Variants in RHBDF2 observed in about 807,000 individuals in gnomAD.
The protein encoded by RHBDF2 is rhomboid 5 homolog 2.
A neutral mutation model predicts 95.2 loss-of-function variants in RHBDF2; 38 were observed. The ratio of observed to expected loss-of-function variants is 0.40; its 90% CI spans 0.31 to 0.52. The LOEUF (loss-of-function observed/expected upper bound fraction) is 0.52, where lower values mean the gene tolerates loss of function less well. RHBDF2 is among the 20% of genes least tolerant of loss of function. The pLI, the probability that RHBDF2 is intolerant of heterozygous loss-of-function variation, is 0.56. For synonymous variants in RHBDF2, 442 were observed against 462.0 expected, an observed-to-expected ratio of 0.96 and a Z score of 0.55; for missense variants, 863 against 1,137.7, an observed-to-expected ratio of 0.76 and a Z score of 3.47.
At chr17:76,474,346 G>T in intron 12 of RHBDF2, 27 bp downstream of exon 12, 2 of 1,602,716 alleles carry the variant, frequency 1.2e-6, no homozygotes, top group Non-Finnish European at 1.7e-6. Flanking sequence ...GGGTCTGGCA[G>T]GGGTAGGAGG....
In RHBDF2 at chr17:76,474,817, T is replaced by C. The variant is rs1401599528; in HGVS notation, c.1228-13A>G. The C allele has an allele frequency of 6.2e-6, 10 of 1,611,644 alleles. No homozygotes were observed. Among genetic ancestry groups the C allele is most frequent in the Non-Finnish European group, 8.5e-6 (10 of 1,178,276 alleles). Reference sequence around the variant, plus strand: ...TGTTCCGCAGCACCTATCGTGGAGGTAGCACAGAGGAGGGCGTCAGAACAG... The same window carrying C: ...TGTTCCGCAGCACCTATCGTGGAGGCAGCACAGAGGAGGGCGTCAGAACAG... On this transcript the variant is annotated splice_polypyrimidine_tract_variant and intron_variant, in intron 10 of 18. Coordinates refer to ENST00000675367, the MANE Select transcript of RHBDF2 (RefSeq NM_001005498.4).
intron 2 of RHBDF2, among the ~76,000 whole-genome samples, chr17:76,486,302 G>A (rs2074128403): frequency 6.6e-6 from 1 of 152,268 alleles, no homozygotes; most frequent in South Asian, 2.1e-4. Context: ...TAGAGATGGG[G>A]TTTCACCATG....
Position 76,471,848 on chromosome 17 carries a change from C to T in RHBDF2, c.2269G>A (p.Ala757Thr), listed in dbSNP as rs749683389. ...CCGAAGGTGATGTAGGGCAGGAAGG[C>T]GAAGGCCAGCAGCAGGCCACTGAGG... ...GFLSGLLLAF[A>T]FLPYITFGTS... Residue 757 changes from alanine (A) to threonine (T), a missense_variant, in exon 19 of 19, where the codon GCC (alanine) becomes ACC (threonine). This residue lies in a region of RHBDF2 where 252 missense variants were observed against 412.2 expected (regional missense o/e 0.61). Coordinates refer to ENST00000675367, the MANE Select transcript of RHBDF2 (RefSeq NM_001005498.4). 3 of 1,592,244 alleles carry T rather than the reference C, an allele frequency of 1.9e-6. No individual in the cohort carries two copies. The highest frequency in any genetic ancestry group is 2.3e-5 in the East Asian group (1 of 44,022).
At chr17:76,477,360 C>T in intron 7 of RHBDF2, 62 bp from the exon 8 acceptor site, 1 of 1,560,938 alleles carries the variant, frequency 6.4e-7, no homozygotes, top group Non-Finnish European at 8.7e-7. Flanking sequence ...CCCCCCGGAA[C>T]CTCAATTCAA....
At chr17:76,501,258 C>A (rs888352977) in intron 1 of RHBDF2, 95 bp downstream of exon 1, 2 of 152,220 alleles carry the variant, frequency 1.3e-5, no homozygotes. Context: ...CGCGCACCAC[C>A]GCTCCAGGGC....
At chr17:76,473,148 G>A in intron 16 of RHBDF2, 43 bp from the exon 17 acceptor site, 1 of 1,595,414 alleles carries the variant, frequency 6.3e-7, no homozygotes, top group Non-Finnish European at 8.6e-7. Context: ...GAAGCAGGCT[G>A]AGTCTGAGGC....
intron 1 of RHBDF2, among the ~76,000 whole-genome samples, chr17:76,494,943 T>C (rs1391722562): frequency 6.6e-6 from 1 of 151,910 alleles, no homozygotes; most frequent in Non-Finnish European, 1.5e-5. Flanking sequence ...GTTCTCCTGC[T>C]CCCTCAGCAT....
chr17:76,490,403 G>C (rs562659209), intron 1 of RHBDF2, among the ~76,000 whole-genome samples: 1 of 152,266 alleles, frequency 6.6e-6, no homozygotes, highest in Admixed American at 6.5e-5. Context: ...GGTTGAAGCT[G>C]TGGCTAGGTC....
chr17:76,489,941 G>A (rs1003854956), intron 1 of RHBDF2, among the ~76,000 whole-genome samples: 12 of 152,318 alleles, frequency 7.9e-5, no homozygotes, highest in African/African-American at 2.9e-4. Context: ...CTTGCCCTAA[G>A]ACTGGGGCTA....
At position 76,478,946 on chromosome 17, in the gene RHBDF2, C is replaced by A. The variant is rs138342755; in HGVS notation, c.532G>T (p.Ala178Ser). 2 of 1,596,430 alleles carry A rather than the reference C, an allele frequency of 1.3e-6. No homozygotes were observed. The highest frequency in any genetic ancestry group is 1.7e-6 in the Non-Finnish European group (2 of 1,170,060). ...CCGGGGGTCAGCGGTGGGTGCGGGG[C>A]GTGGGGCCTGTCCATCTCCTCCGGG... ...RHPEEMDRPH[A>S]PHPPLTPGVL... is the part of the protein sequence containing the mutation. Residue 178 changes from alanine to serine, a missense_variant, in exon 6 of 19, where the codon GCC becomes TCC. By Grantham distance (99) the Ala-to-Ser change is moderately conservative (BLOSUM62 1). Coordinates refer to ENST00000675367, the MANE Select transcript of RHBDF2 (RefSeq NM_001005498.4).
At position 76,471,841 on chromosome 17, in the gene RHBDF2, A is replaced by G. The variant is rs773658961; in HGVS notation, c.2276T>C (p.Leu759Pro). The change falls in exon 19 of 19, where the codon CTG becomes CCG. Residue 759 changes from leucine to proline, a missense_variant. Coordinates refer to ENST00000675367, the MANE Select transcript of RHBDF2 (RefSeq NM_001005498.4). ...GCTGGTGCCGAAGGTGATGTAGGGC[A>G]GGAAGGCGAAGGCCAGCAGCAGGCC... ...LSGLLLAFAF[L>P]PYITFGTSDK... 1 of 1,593,790 alleles carries G rather than the reference A, an allele frequency of 6.3e-7. No homozygotes were observed. The highest frequency in any genetic ancestry group is 8.5e-7 in the Non-Finnish European group (1 of 1,170,186).
At chr17:76,474,933 G>A (rs1408764354) in intron 10 of RHBDF2, 97 bp downstream of exon 10, 1 of 1,483,952 alleles carries the variant, frequency 6.7e-7, no homozygotes. Context: ...CACCCTGCTG[G>A]GGCCAGATTG....
intron 1 of RHBDF2, among the ~76,000 whole-genome samples, chr17:76,488,872 T>C (rs371109256): frequency 1.3e-5 from 2 of 151,570 alleles, no homozygotes; most frequent in East Asian, 1.9e-4. Flanking sequence ...CACTTAAACA[T>C]GGGAGGCGGA....
At position 76,477,396 on chromosome 17, in the gene RHBDF2, G is replaced by A. The variant is rs990607686; in HGVS notation, c.802-98C>T. 4.3e-6 allele frequency: 6 copies of A among 1,410,314 alleles called. No individual in the cohort carries two copies. The Admixed American group carries it at 1.3e-4, about 30-fold the overall frequency. 87.4% of individuals were successfully genotyped at this position (1,410,314 alleles called of 1,614,324 possible). On this transcript the variant is annotated intron_variant, in intron 7 of 18. Transcript: ENST00000675367. Reference sequence around the variant, plus strand: ...GGGCAGGACACAGCTGAACAGACGGGCTCTTCACAATGAATTGGGAAGCCA... The same window carrying A: ...GGGCAGGACACAGCTGAACAGACGGACTCTTCACAATGAATTGGGAAGCCA...
At chr17:76,486,092 ACACACACACACACAC>A (rs1260111758) in intron 2 of RHBDF2, among the ~76,000 whole-genome samples, 1 of 106,944 alleles carries the variant, frequency 9.4e-6, no homozygotes, top group Non-Finnish European at 2.3e-5. Context: ...ACACACACAC[ACACACACACACACAC>A]ACACACACAT....
chr17:76,487,214 G>C (rs1199158681), intron 2 of RHBDF2, among the ~76,000 whole-genome samples: 2 of 150,224 alleles, frequency 1.3e-5, no homozygotes, highest in Non-Finnish European at 3.0e-5. Context: ...GCCTCCCAAA[G>C]TGCTTGGATT....
At chr17:76,498,821 T>TGTGTGTGTGTGA (rs969752207) in intron 1 of RHBDF2, among the ~76,000 whole-genome samples, 1 of 149,164 alleles carries the variant, frequency 6.7e-6, no homozygotes, top group Non-Finnish European at 1.5e-5. Flanking sequence ...TGTGTGTGTG[T>TGTGTGTGTGTGA]GTGAGTCTGT....
chr17:76,484,324 A>G (rs1446782528), intron 2 of RHBDF2, among the ~76,000 whole-genome samples: 1 of 152,118 alleles, frequency 6.6e-6, no homozygotes, highest in Non-Finnish European at 1.5e-5. Flanking sequence ...TCACATCCCA[A>G]GGTTCCTGGG....
At chr17:76,484,051 C>A (rs568820854) in intron 2 of RHBDF2, among the ~76,000 whole-genome samples, 2 of 152,194 alleles carry the variant, frequency 1.3e-5, no homozygotes, top group Non-Finnish European at 2.9e-5. Context: ...CACCTGAGGT[C>A]GGGAGTTCGA....
Sources: allele counts gnomAD v4.1 joint callset (sites outside exome capture counted in the v4.1 genomes callset), GRCh38; gene constraint gnomAD v4.1.1; regional missense constraint gnomAD v4.1.1; transcripts MANE v1.5; gene names NCBI Gene and HGNC (gene_info 2026-07-23, HGNC 2026-07-21).